Variants in ZNF599 observed in about 807,000 individuals in gnomAD.
ZNF599 encodes the protein zinc finger protein 599.
Under a neutral mutation model 11.7 loss-of-function variants are expected in ZNF599, and 10 were observed. The ratio of observed to expected loss-of-function variants is 0.86; its 90% confidence interval spans 0.53 to 1.45. ZNF599 has a LOEUF of 1.45. ZNF599 is among the 40% of genes most tolerant of loss of function. The probability of loss-of-function intolerance (pLI) is 0.00; values close to 1 mark genes in which losing one functional copy is unlikely to be tolerated. For synonymous variants in ZNF599, 232 were observed against 253.2 expected (o/e 0.92, Z 0.79); for missense variants, 688 against 713.6 (o/e 0.96, Z 0.41).
intron 3 of ZNF599, among the ~76,000 whole-genome samples, chr19:34,761,292 C>A (rs1267240001): frequency 6.6e-6 from 1 of 152,078 alleles, no homozygotes; most frequent in East Asian, 1.9e-4. Flanking sequence ...TAGGTAAGAT[C>A]TACATGAAGA....
At position 34,759,782 on chromosome 19, in the gene ZNF599, T is replaced by A. The variant is rs1388247671; in HGVS notation, c.1019A>T (p.Glu340Val). 1 of 1,613,994 alleles carries A rather than the reference T, an allele frequency of 6.2e-7. No homozygotes were observed. Among genetic ancestry groups the A allele is most frequent in the African/African-American group, 1.3e-5 (1 of 74,932 alleles). Residue 340 changes from glutamate (E) to valine (V), a missense_variant, in exon 4 of 4, where the codon GAG becomes GTG. Physicochemically the swap from Glu to Val is moderately radical, Grantham distance 121 (BLOSUM62 -2). Coordinates refer to ENST00000329285, the MANE Select transcript of ZNF599 (RefSeq NM_001007248.3). ...GAAGGCCTTTCCACATTCACCGCACTCATAGAGTTTCTTTCCAGTATGAAT... is the reference window on the plus strand; with the variant it reads ...GAAGGCCTTTCCACATTCACCGCACACATAGAGTTTCTTTCCAGTATGAAT... ...MRIHTGKKLY[E>V]CGECGKAFTH...
upstream of ZNF599, among the ~76,000 whole-genome samples, chr19:34,777,262 T>A (rs540275345): frequency 4.7e-3 from 582 of 124,310 alleles, 1 homozygote; most frequent in Non-Finnish European, 6.0e-3. Context: ...ATATATTATA[T>A]ATATCCAGAG....
Position 34,772,898 on chromosome 19 carries a change from C to G in ZNF599, c.-57G>C. On this transcript the variant is annotated 5_prime_UTR_variant, in exon 1 of 4. Transcript: ENST00000329285. ...TCGGCGAGGAAGCCGGTCCTGCGGG[C>G]TCGGCCGACCCCGGGCTCCGGCTCT... 1.4e-6 allele frequency: 2 copies of G among 1,405,714 alleles called. No homozygotes were observed. Among genetic ancestry groups the G allele is most frequent in the Non-Finnish European group, 1.8e-6 (2 of 1,085,796 alleles). 87.1% of individuals were successfully genotyped at this position (1,405,714 alleles called of 1,614,324 possible).
At chr19:34,779,355 C>A in the ZNF599 span, 1 of 335,794 alleles carries the variant, frequency 3.0e-6, no homozygotes, top group African/African-American at 2.2e-5. Context: ...ACTGCCTTGG[C>A]CACCCTAACT....
At chr19:34,792,177 C>A in the ZNF599 span, among the ~76,000 whole-genome samples, 1 of 152,202 alleles carries the variant, frequency 6.6e-6, no homozygotes, top group Admixed American at 6.5e-5. Flanking sequence ...TGTTCATGGG[C>A]AAGCCCTTCC....
At chr19:34,782,086 G>A in the ZNF599 span, among the ~76,000 whole-genome samples, 7 of 152,194 alleles carry the variant, frequency 4.6e-5, no homozygotes, top group Non-Finnish European at 8.8e-5. Flanking sequence ...TCACACTCTC[G>A]TCTTCCTACT....
the ZNF599 span, among the ~76,000 whole-genome samples, chr19:34,797,594 T>G: frequency 6.6e-6 from 1 of 152,248 alleles, no homozygotes; most frequent in Non-Finnish European, 1.5e-5. Context: ...ATGTGTCTTT[T>G]GGCTGCATAA....
chr19:34,779,885 T>C, the ZNF599 span: 1 of 163,492 alleles, frequency 6.1e-6, no homozygotes. Flanking sequence ...GTAATGCCTT[T>C]GCATGATGAG....
chr19:34,772,654 G>A, intron 1 of ZNF599, 170 bp downstream of exon 1: 1 of 1,418,602 alleles, frequency 7.0e-7, no homozygotes, highest in East Asian at 3.0e-5. Context: ...TCAGGACCCT[G>A]GGTAGGAAGT....
upstream of ZNF599, among the ~76,000 whole-genome samples, chr19:34,775,835 A>C (rs184127167): frequency 6.6e-6 from 1 of 152,354 alleles, no homozygotes; most frequent in Admixed American, 6.5e-5. Flanking sequence ...TAGTAAATTT[A>C]TACGAACAAA....
Position 34,773,138 on chromosome 19 carries a change from CCT to C in ZNF599, c.-299_-298del, listed in dbSNP as rs777457853. On this transcript the variant is annotated 5_prime_UTR_variant, in exon 1 of 4. Transcript: ENST00000329285. ...CTCTACTCGGTCTCGAAAAGTGGCC[CCT>C]GTCTGGCGTTCTACCCAGTGTAGCG... 7.8e-5 allele frequency: 31 copies of C among 395,986 alleles called. No homozygotes were observed. Among genetic ancestry groups the C allele is most frequent in the Admixed American group, 1.8e-4 (4 of 22,748 alleles). 24.5% of individuals were successfully genotyped at this position (395,986 alleles called of 1,614,324 possible).
chr19:34,767,448 G>C (rs769386857), intron 2 of ZNF599, 37 bp from the exon 3 acceptor site: 2 of 1,553,034 alleles, frequency 1.3e-6, no homozygotes, highest in East Asian at 2.2e-5. Flanking sequence ...TGGTGTACAG[G>C]GAAAGACAAA....
chr19:34,767,980 C>A (rs944902626), intron 2 of ZNF599, among the ~76,000 whole-genome samples: 1 of 152,162 alleles, frequency 6.6e-6, no homozygotes, highest in African/African-American at 2.4e-5. Flanking sequence ...AGGTGGTCTT[C>A]TTCCACATGC....
At chr19:34,795,899 G>A in the ZNF599 span, among the ~76,000 whole-genome samples, 7 of 152,054 alleles carry the variant, frequency 4.6e-5, no homozygotes, top group African/African-American at 1.2e-4. Flanking sequence ...TCAGCTCACC[G>A]CAACCTCTGC....
chr19:34,779,492 T>C, the ZNF599 span: 1 of 456,976 alleles, frequency 2.2e-6, no homozygotes, highest in Non-Finnish European at 4.4e-6. Context: ...GGATAATTTC[T>C]CACATTTGCT....
Position 34,759,480 on chromosome 19 carries a change from G to A in ZNF599, c.1321C>T (p.His441Tyr). The A allele has an allele frequency of 9.3e-6, 15 of 1,614,114 alleles. No individual in the cohort carries two copies. The highest frequency in any genetic ancestry group is 1.3e-5 in the Non-Finnish European group (15 of 1,179,986). The change falls in exon 4 of 4, where the codon CAT becomes TAT. Residue 441 changes from histidine (H) to tyrosine (Y), a missense_variant. By Grantham distance (83) the His-to-Tyr change is moderately conservative. Coordinates refer to ENST00000329285, the MANE Select transcript of ZNF599 (RefSeq NM_001007248.3). ...TTCTCACCAGTGTGAATCCTCATAT[G>A]TTGAATTAAGGAAGAGCTGTCACAA... ...AFCDSSSLIQ[H>Y]MRIHTGEKPY... is the part of the protein sequence containing the mutation.
At chr19:34,806,202 T>C in the ZNF599 span, among the ~76,000 whole-genome samples, 1 of 152,200 alleles carries the variant, frequency 6.6e-6, no homozygotes, top group East Asian at 1.9e-4. Context: ...CTCCATGGGC[T>C]TAGGCCTCTC....
At chr19:34,805,912 C>T in the ZNF599 span, among the ~76,000 whole-genome samples, 2 of 152,228 alleles carry the variant, frequency 1.3e-5, no homozygotes, top group Admixed American at 1.3e-4. Context: ...TAACCTTCCA[C>T]ACCTCATCCT....
Position 34,759,394 on chromosome 19 carries a change from A to T in ZNF599, c.1407T>A (p.His469Gln), listed in dbSNP as rs1233381911. The change falls in exon 4 of 4, where the codon CAT becomes CAA. Residue 469 changes from histidine to glutamine, a missense_variant. His to Gln is a conservative substitution (Grantham distance 24). Coordinates refer to ENST00000329285, the MANE Select transcript of ZNF599 (RefSeq NM_001007248.3). The part of the protein sequence containing the change: ...AFTHHSVFIR[H>Q]NRTHSGQKPL... ...GTTTTTGTCCACTGTGGGTCCTATT[A>T]TGTCGAATAAAAACAGAGTGGTGTG... The T allele has an allele frequency of 6.2e-7, 1 of 1,613,884 alleles. No individual in the cohort carries two copies. Among genetic ancestry groups the T allele is most frequent in the Non-Finnish European group, 8.5e-7 (1 of 1,180,000 alleles).
Sources: gnomAD v4.1 joint callset for allele counts (sites outside exome capture counted in the v4.1 genomes callset) on GRCh38, gnomAD v4.1.1 for gene constraint, MANE v1.5 for transcripts, NCBI Gene and HGNC (gene_info 2026-07-23, HGNC 2026-07-21) for gene names.